Variants in NFIB observed in about 807,000 individuals in gnomAD.
NFIB encodes the protein nuclear factor I B.
In NFIB, 11 loss-of-function variants were observed where a neutral mutation model predicts 61.5. The ratio of observed to expected loss-of-function variants is 0.18; its 90% confidence interval spans 0.11 to 0.30. The LOEUF is 0.30. Among genes scored for constraint, NFIB ranks in the 10% least tolerant of loss-of-function variants. NFIB has a pLI of 1.00. For missense variants in NFIB, 471 were observed against 608.9 expected (o/e 0.77, Z 2.38); for synonymous variants, 260 against 216.5 (o/e 1.20, Z -1.76).
intron 1 of NFIB, among the ~76,000 whole-genome samples, chr9:14,338,460 G>A (rs115532862): frequency 0.028 from 4,238 of 152,232 alleles, 208 homozygotes; most frequent in African/African-American, 0.098. Context: ...ATGAGCTTAG[G>A]AGTAGAACAA....
At chr9:14,442,220 T>C in the NFIB span, among the ~76,000 whole-genome samples, 2 of 152,112 alleles carry the variant, frequency 1.3e-5, no homozygotes, top group Non-Finnish European at 2.9e-5. Flanking sequence ...CTGGTTAGTG[T>C]GCTGGGCCCC....
chr9:14,178,133 A>C (rs530032359), intron 3 of NFIB, among the ~76,000 whole-genome samples: 1 of 152,218 alleles, frequency 6.6e-6, no homozygotes, highest in African/African-American at 2.4e-5. Flanking sequence ...CTCTTCTCCC[A>C]CCTCATTCTT....
chr9:14,309,871 A>C (rs1413735443), intron 1 of NFIB, among the ~76,000 whole-genome samples: 1 of 152,228 alleles, frequency 6.6e-6, no homozygotes, highest in Admixed American at 6.5e-5. Flanking sequence ...TAAAACCTTG[A>C]GAATGTAAAG....
chr9:14,150,396 T>A, intron 4 of NFIB, 131 bp from the exon 5 acceptor site: 2 of 1,435,836 alleles, frequency 1.4e-6, no homozygotes, highest in East Asian at 4.6e-5. Context: ...AAGCCTCTAA[T>A]ACCCACCATA....
the NFIB span, among the ~76,000 whole-genome samples, chr9:14,408,851 C>T: frequency 6.6e-6 from 1 of 151,966 alleles, no homozygotes; most frequent in Admixed American, 6.6e-5. Context: ...TTTTTTTAAT[C>T]CTCATAGCAA....
chr9:14,506,823 T>G, the NFIB span, among the ~76,000 whole-genome samples: 1 of 152,164 alleles, frequency 6.6e-6, no homozygotes, highest in African/African-American at 2.4e-5. Flanking sequence ...AGGTAGGTTT[T>G]GGCATGGGAG....
the NFIB span, among the ~76,000 whole-genome samples, chr9:14,519,678 T>A: frequency 3.3e-5 from 5 of 152,326 alleles, no homozygotes; most frequent in South Asian, 1.0e-3. Context: ...ACCCAATATA[T>A]GCCTGGCAAA....
intron 9 of NFIB, 134 bp from the exon 10 acceptor site, chr9:14,113,215 T>C: frequency 1.5e-6 from 1 of 661,826 alleles, no homozygotes; most frequent in East Asian, 3.0e-5. Context: ...TCTTCTCTTT[T>C]GTCTGAGTGA....
At chr9:14,437,307 T>C in the NFIB span, among the ~76,000 whole-genome samples, 3 of 152,254 alleles carry the variant, frequency 2.0e-5, no homozygotes, top group Non-Finnish European at 2.9e-5. Flanking sequence ...TTTATGTGTT[T>C]TCTGAAGTTC....
At chr9:14,103,502 C>G (rs536710883) in intron 10 of NFIB, among the ~76,000 whole-genome samples, 4 of 152,128 alleles carry the variant, frequency 2.6e-5, no homozygotes, top group African/African-American at 4.8e-5. Context: ...TGACTGGAAC[C>G]AAAGTACCAT....
rs567686444 is a variant in NFIB at position 14,374,337 on chromosome 9, T to C, written c.108+24187A>G. 1.1e-4 allele frequency among the ~76,000 whole-genome samples: 16 copies of C among 152,208 alleles called. No individual in the cohort carries two copies. In the South Asian group the frequency reaches 2.3e-3, roughly 22 times the overall value. The stretch of plus-strand genomic sequence containing the variant: ...TCTACATTTAGGGCCTGGGGACACA[T>C]AATGGAGTTATTTTAAATGGGACAC... On this transcript the variant is annotated intron_variant, in intron 1 of 8. Coordinates refer to the NFIB transcript ENST00000380934.
chr9:14,301,364 G>A (rs963627506), intron 2 of NFIB, among the ~76,000 whole-genome samples: 2 of 152,140 alleles, frequency 1.3e-5, no homozygotes, highest in Non-Finnish European at 2.9e-5. Context: ...GAGACATTGT[G>A]CACTAAATCT....
the NFIB span, among the ~76,000 whole-genome samples, chr9:14,510,972 C>T: frequency 2.0e-5 from 3 of 152,132 alleles, no homozygotes; most frequent in African/African-American, 4.8e-5. Context: ...GATGATGCTG[C>T]TTCAGTTCCT....
the NFIB span, among the ~76,000 whole-genome samples, chr9:14,489,491 A>AT: frequency 1.9e-3 from 283 of 150,954 alleles, 3 homozygotes; most frequent in Admixed American, 8.9e-3. Flanking sequence ...GTATTCACTC[A>AT]TTTTTTTTTC....
At chr9:14,410,896 A>C in the NFIB span, among the ~76,000 whole-genome samples, 1 of 152,226 alleles carries the variant, frequency 6.6e-6, no homozygotes, top group Admixed American at 6.5e-5. Flanking sequence ...TACAGGGAAT[A>C]TAAATGTTAA....
intron 2 of NFIB, among the ~76,000 whole-genome samples, chr9:14,290,605 T>C (rs2059027678): frequency 6.6e-6 from 1 of 152,124 alleles, no homozygotes; most frequent in Non-Finnish European, 1.5e-5. Context: ...ATACGTGCTA[T>C]TGCTAATACA....
chr9:14,487,426 G>C, the NFIB span, among the ~76,000 whole-genome samples: 4 of 152,320 alleles, frequency 2.6e-5, no homozygotes, highest in Non-Finnish European at 5.9e-5. Context: ...TTGTCCATTA[G>C]AATTTAAGGT....
At chr9:14,464,417 C>T in the NFIB span, among the ~76,000 whole-genome samples, 3 of 152,270 alleles carry the variant, frequency 2.0e-5, no homozygotes, top group Admixed American at 2.0e-4. Flanking sequence ...TTCATCCAAA[C>T]CTAGACGGTG....
chr9:14,314,191 G>A (rs1366950802), upstream of NFIB: 1 of 650,856 alleles, frequency 1.5e-6, no homozygotes, highest in Admixed American at 6.7e-5. Flanking sequence ...GGGGCGGGGT[G>A]GGATGGGGGA....
Sources: gnomAD v4.1 joint callset for allele counts (sites outside exome capture counted in the v4.1 genomes callset) on GRCh38, gnomAD v4.1.1 for gene constraint, MANE v1.5 for transcripts, NCBI Gene and HGNC (gene_info 2026-07-23, HGNC 2026-07-21) for gene names.